Variants in PPP2R5E observed in about 807,000 individuals in gnomAD.
PPP2R5E encodes serine/threonine-protein phosphatase 2A 56 kDa regulatory subunit epsilon isoform.
In PPP2R5E, 4 loss-of-function variants were observed where a neutral mutation model predicts 65.3. That is an observed-to-expected ratio of 0.06 (90% CI 0.03 to 0.14). The LOEUF (loss-of-function observed/expected upper bound fraction) is 0.14. Ranked by LOEUF, PPP2R5E falls within the 10% of genes least tolerant of loss-of-function variation. The pLI is 1.00. For missense variants in PPP2R5E, 274 were observed against 556.1 expected (o/e 0.49, Z 5.10); for synonymous variants, 183 against 187.4 (o/e 0.98, Z 0.19).
chr14:63,507,937 G>A (rs1050696727), intron 2 of PPP2R5E, among the ~76,000 whole-genome samples: 2 of 152,156 alleles, frequency 1.3e-5, no homozygotes, highest in Non-Finnish European at 2.9e-5. Context: ...TGAGAAGCCT[G>A]ACCCTAGGGA....
chr14:63,506,301 A>G (rs982235206), intron 2 of PPP2R5E, among the ~76,000 whole-genome samples: 1 of 152,012 alleles, frequency 6.6e-6, no homozygotes, highest in African/African-American at 2.4e-5. Flanking sequence ...ATACAAAAAA[A>G]TTAGCCGGGC....
At chr14:63,513,683 A>C (rs1162778794) in intron 2 of PPP2R5E, among the ~76,000 whole-genome samples, 1 of 152,192 alleles carries the variant, frequency 6.6e-6, no homozygotes, top group African/African-American at 2.4e-5. Context: ...TAAGCTTTTT[A>C]TATTTCCTGA....
intron 10 of PPP2R5E, among the ~76,000 whole-genome samples, chr14:63,389,986 T>A (rs1024869249): frequency 6.6e-6 from 1 of 151,934 alleles, no homozygotes; most frequent in Non-Finnish European, 1.5e-5. Flanking sequence ...CGAGGGACAC[T>A]CACACACTGC....
chr14:63,539,122 TC>T (rs1893786933), intron 2 of PPP2R5E, among the ~76,000 whole-genome samples: 1 of 152,194 alleles, frequency 6.6e-6, no homozygotes, highest in Admixed American at 6.5e-5. Flanking sequence ...AATACCATTT[TC>T]TATATGTAAA....
At chr14:63,424,801 A>C (rs1887243744) in intron 3 of PPP2R5E, among the ~76,000 whole-genome samples, 1 of 152,078 alleles carries the variant, frequency 6.6e-6, no homozygotes, top group Non-Finnish European at 1.5e-5. Flanking sequence ...GTATTTAGAA[A>C]TTGGGTAGAA....
chr14:63,472,232 G>A (rs893680062), intron 2 of PPP2R5E, among the ~76,000 whole-genome samples: 3 of 152,138 alleles, frequency 2.0e-5, no homozygotes, highest in African/African-American at 4.8e-5. Flanking sequence ...CCCAGGAGGC[G>A]GAGGTTGAAA....
At chr14:63,403,953 T>C (rs1048456763) in intron 5 of PPP2R5E, among the ~76,000 whole-genome samples, 14 of 152,064 alleles carry the variant, frequency 9.2e-5, no homozygotes, top group Non-Finnish European at 1.5e-4. Flanking sequence ...TGGCTTACAG[T>C]AGGAAGTCAA....
chr14:63,406,177 C>T (rs1457317577), intron 5 of PPP2R5E, among the ~76,000 whole-genome samples: 1 of 151,986 alleles, frequency 6.6e-6, no homozygotes, highest in African/African-American at 2.4e-5. Context: ...TTTGGGAGGC[C>T]GAGGCGGGCA....
At chr14:63,464,794 G>A (rs1452903032) in intron 2 of PPP2R5E, among the ~76,000 whole-genome samples, 1 of 152,192 alleles carries the variant, frequency 6.6e-6, no homozygotes, top group Non-Finnish European at 1.5e-5. Flanking sequence ...AGGCCGAGGT[G>A]AGCGGATTAC....
intron 1 of PPP2R5E, among the ~76,000 whole-genome samples, chr14:63,540,043 T>C (rs1893824188): frequency 6.6e-6 from 1 of 151,686 alleles, no homozygotes; most frequent in African/African-American, 2.4e-5. Context: ...AAGAATCGCT[T>C]GAACCTGGGA....
At chr14:63,528,608 A>C (rs1445458111) in intron 2 of PPP2R5E, among the ~76,000 whole-genome samples, 1 of 152,234 alleles carries the variant, frequency 6.6e-6, no homozygotes, top group Non-Finnish European at 1.5e-5. Flanking sequence ...TCCTTTTAAA[A>C]TAAAAAGTTT....
chr14:63,488,442 A>G (rs905814884), intron 2 of PPP2R5E, among the ~76,000 whole-genome samples: 2 of 151,994 alleles, frequency 1.3e-5, no homozygotes, highest in African/African-American at 4.8e-5. Flanking sequence ...AGATCAAGCA[A>G]TCCTCCCACT....
At chr14:63,472,320 G>A (rs1890176682) in intron 2 of PPP2R5E, among the ~76,000 whole-genome samples, 1 of 151,888 alleles carries the variant, frequency 6.6e-6, no homozygotes, top group African/African-American at 2.4e-5. Flanking sequence ...TAAAATAAAG[G>A]ACCCCTTTAC....
Position 63,432,372 on chromosome 14 carries a change from A to C in PPP2R5E, c.355-10278T>G, listed in dbSNP as rs538434009. On this transcript the variant is annotated intron_variant, in intron 3 of 13. Coordinates refer to ENST00000337537, the MANE Select transcript of PPP2R5E (RefSeq NM_006246.5). ...TTTAACATACGGTGATTGCTTCTAC[A>C]AATAATTTGGTCCCCTTAGACACGG... 1.8e-4 allele frequency among the ~76,000 whole-genome samples: 27 copies of C among 152,342 alleles called. 2 individuals carry two copies. In the South Asian group the frequency reaches 5.6e-3, roughly 32 times the overall value.
At chr14:63,465,472 A>AAC (rs1566723092) in intron 2 of PPP2R5E, among the ~76,000 whole-genome samples, 2 of 78,056 alleles carry the variant, frequency 2.6e-5, no homozygotes, top group African/African-American at 1.0e-4. Context: ...AAAAAAAAAA[A>AAC]ACAACAACTA....
At chr14:63,427,133 T>G (rs74060088) in intron 3 of PPP2R5E, among the ~76,000 whole-genome samples, 3,676 of 152,304 alleles carry the variant, frequency 0.024, 157 homozygotes, top group African/African-American at 0.084. Flanking sequence ...TGCAAATGTA[T>G]CACAGCCATG....
chr14:63,391,366 T>C (rs540352288), intron 10 of PPP2R5E, among the ~76,000 whole-genome samples: 1 of 152,052 alleles, frequency 6.6e-6, no homozygotes, highest in African/African-American at 2.4e-5. Context: ...CCTTATAGAG[T>C]TACAATGAGG....
chr14:63,439,750 T>G (rs1888125117), intron 3 of PPP2R5E, among the ~76,000 whole-genome samples: 1 of 152,180 alleles, frequency 6.6e-6, no homozygotes, highest in South Asian at 2.1e-4. Context: ...CACACATAAG[T>G]GCTTCCAAGG....
At chr14:63,526,907 C>T (rs1460734368) in intron 2 of PPP2R5E, among the ~76,000 whole-genome samples, 1 of 152,230 alleles carries the variant, frequency 6.6e-6, no homozygotes, top group African/African-American at 2.4e-5. Context: ...CAGTGGCTCA[C>T]GCCTGTAATC....
Sources: gnomAD v4.1 joint callset for allele counts (sites outside exome capture counted in the v4.1 genomes callset) on GRCh38, gnomAD v4.1.1 for gene constraint, MANE v1.5 for transcripts, NCBI Gene and HGNC (gene_info 2026-07-23, HGNC 2026-07-21) for gene names.